Variants in PRKCZ observed in about 807,000 individuals in gnomAD.
PRKCZ encodes protein kinase C zeta, also known as protein kinase C zeta type.
PRKCZ carries 33 observed loss-of-function variants against 79.5 expected under a neutral mutation model. The observed-to-expected ratio is 0.41, with a 90% CI of 0.31 to 0.55. PRKCZ has a LOEUF of 0.55. Among genes scored for constraint, PRKCZ ranks in the 20% least tolerant of loss-of-function variants. The pLI, the probability that PRKCZ is intolerant of heterozygous loss-of-function variation, is 0.19. For missense variants in PRKCZ, 578 were observed against 813.5 expected (o/e 0.71, Z 3.52); for synonymous variants, 342 against 320.9 (o/e 1.07, Z -0.70).
At chr1:2,142,575 CCT>C (rs1246733351) in intron 5 of PRKCZ, 8 of 254,724 alleles carry the variant, frequency 3.1e-5, no homozygotes, top group Non-Finnish European at 6.3e-5. Context: ...TGGGATGCCC[CCT>C]CTCACCCATC....
chr1:2,149,731 C>T lies in PRKCZ; in HGVS notation c.687+807C>T, dbSNP rs932978844. Among the ~76,000 whole-genome samples the T allele has an allele frequency of 3.9e-5, 6 of 152,226 alleles. No individual in the cohort carries two copies. Among genetic ancestry groups the T allele is most frequent in the South Asian group, 2.1e-4 (1 of 4,824 alleles). On this transcript the variant is annotated intron_variant, in intron 8 of 17. Coordinates refer to ENST00000378567, the MANE Select transcript of PRKCZ (RefSeq NM_002744.6). This position sits in a 1 kb window ranked among gnomAD's most constrained non-coding sequence, Gnocchi z 4.1. ...AAATAATTAGCTGGGCATGGTGGCA[C>T]GGGCCTGTGGTCCTAGCTGCTTGGG...
At chr1:2,048,512 A>G (rs1209570678), upstream of PRKCZ, among the ~76,000 whole-genome samples, 1 of 152,192 alleles carries the variant, frequency 6.6e-6, no homozygotes, top group Non-Finnish European at 1.5e-5. Context: ...GTGGCCGTGC[A>G]AAGACGGAGG....
chr1:2,152,392 G>A (rs1446419978), intron 9 of PRKCZ, among the ~76,000 whole-genome samples: 1 of 152,034 alleles, frequency 6.6e-6, no homozygotes, highest in African/African-American at 2.4e-5. Flanking sequence ...AATTAGCCAG[G>A]TGTGGTGGCG....
chr1:2,071,085 G>A (rs1186347177), intron 4 of PRKCZ, among the ~76,000 whole-genome samples: 3 of 108,872 alleles, frequency 2.8e-5, no homozygotes, highest in Admixed American at 8.5e-5. Context: ...TGCGGGGGCC[G>A]ATTGCTCAGG....
intron 16 of PRKCZ, among the ~76,000 whole-genome samples, chr1:2,179,362 C>T (rs1041358005): frequency 1.3e-5 from 2 of 152,212 alleles, no homozygotes; most frequent in Non-Finnish European, 2.9e-5. Flanking sequence ...GGCCTGGTGG[C>T]TGGGGCTGCC....
intron 4 of PRKCZ, among the ~76,000 whole-genome samples, chr1:2,104,411 AGGT>A (rs1254889660): frequency 5.3e-5 from 8 of 152,296 alleles, no homozygotes; most frequent in African/African-American, 1.7e-4. Flanking sequence ...CAGGGGAAGA[AGGT>A]GGCCTGAACC....
chr1:2,049,041 C>T (rs1204784800), upstream of PRKCZ, among the ~76,000 whole-genome samples: 2 of 152,180 alleles, frequency 1.3e-5, no homozygotes, highest in Admixed American at 6.5e-5. Flanking sequence ...TGGTGGACAC[C>T]TGTAATCCCA....
intron 4 of PRKCZ, among the ~76,000 whole-genome samples, chr1:2,063,845 C>CT (rs551194608): frequency 0.027 from 3,316 of 124,472 alleles, 149 homozygotes; most frequent in African/African-American, 0.088. Context: ...TTGGCCATTT[C>CT]TTTTTTTTTT....
At chr1:2,184,873 G>A (rs1687335741) in intron 17 of PRKCZ, 49 bp from the exon 18 acceptor site, 1 of 1,528,398 alleles carries the variant, frequency 6.5e-7, no homozygotes, top group Non-Finnish European at 9.0e-7. Context: ...TTCCCCCAAG[G>A]GAATGAACAC....
intron 6 of PRKCZ, chr1:2,145,149 A>G (rs1219525476): frequency 6.6e-6 from 1 of 152,334 alleles, no homozygotes; most frequent in African/African-American, 2.4e-5. Flanking sequence ...GCGTTGGCAC[A>G]GTCCTTCCAG....
In PRKCZ at chr1:2,120,199, C is replaced by T. The variant is rs181108296; in HGVS notation, c.335-15063C>T. On this transcript the variant is annotated intron_variant, in intron 4 of 17. Transcript: ENST00000378567. ...GCAGCCTTGTGAAGGACAGAGGAATCGAGAATTTCTCCTAATTGAGATTGG... is the reference window on the plus strand; with the variant it reads ...GCAGCCTTGTGAAGGACAGAGGAATTGAGAATTTCTCCTAATTGAGATTGG... Among the ~76,000 whole-genome samples, 47 of 149,274 alleles carry T rather than the reference C, an allele frequency of 3.1e-4. 1 individual carries two copies. The East Asian group carries it at 8.6e-3, about 27-fold the overall frequency.
chr1:2,163,217 ACCCATCTCGGGCAGGCAGCATTTG>A (rs1682660858), intron 10 of PRKCZ, among the ~76,000 whole-genome samples: 1 of 152,120 alleles, frequency 6.6e-6, no homozygotes, highest in South Asian at 2.1e-4. Flanking sequence ...GGAAGCATTT[ACCCATCTCGGGCAGGCAGCATTTG>A]CCCTGGCATG....
chr1:2,126,008 T>A (rs560328544), intron 4 of PRKCZ, among the ~76,000 whole-genome samples: 1 of 152,266 alleles, frequency 6.6e-6, no homozygotes, highest in African/African-American at 2.4e-5. Flanking sequence ...CCCGAGGATG[T>A]TGCCCCTGTC....
intron 4 of PRKCZ, among the ~76,000 whole-genome samples, chr1:2,109,800 G>A (rs1240618417): frequency 1.3e-5 from 2 of 152,182 alleles, no homozygotes; most frequent in East Asian, 1.9e-4. Context: ...GTGCCACGTC[G>A]CTCAGATTTT....
intron 4 of PRKCZ, among the ~76,000 whole-genome samples, chr1:2,095,328 G>C (rs1666268991): frequency 6.6e-6 from 1 of 152,148 alleles, no homozygotes; most frequent in Non-Finnish European, 1.5e-5. Context: ...GGAGGTGGCT[G>C]GGCAGTGGCG....
intron 4 of PRKCZ, 22 bp downstream of exon 4, chr1:2,059,613 G>A (rs760610662): frequency 8.6e-5 from 139 of 1,613,432 alleles, no homozygotes; most frequent in Middle Eastern, 4.9e-4. Context: ...GGTTTCCTAC[G>A]CCGGTCTCGC....
Position 2,149,015 on chromosome 1 carries a change from G to T in PRKCZ, c.687+91G>T. The T allele has an allele frequency of 7.2e-7, 1 of 1,389,626 alleles. No homozygotes were observed. Among genetic ancestry groups the T allele is most frequent in the Non-Finnish European group, 1.0e-6 (1 of 981,620 alleles). The allele number at this position is 1,389,626 out of a possible 1,614,324, so 86.1% of individuals were successfully genotyped here. ...GGGGTAGTCACGGAAATCTAGATGT[G>T]AAATAGACATGGTCCGGGGTGTTGC... On this transcript the variant is annotated intron_variant, in intron 8 of 17. Coordinates refer to ENST00000378567, the MANE Select transcript of PRKCZ (RefSeq NM_002744.6). This position sits in a 1 kb window ranked among gnomAD's most constrained non-coding sequence, Gnocchi z 4.1.
chr1:2,180,579 C>CTGGACGCACGGACGACG (rs1472780810), intron 16 of PRKCZ, among the ~76,000 whole-genome samples: 1 of 150,316 alleles, frequency 6.7e-6, no homozygotes, highest in African/African-American at 2.5e-5. Context: ...CACAGATGAC[C>CTGGACGCACGGACGACG]TGGACGCACG....
intron 4 of PRKCZ, among the ~76,000 whole-genome samples, chr1:2,108,820 G>T (rs574963850): frequency 2.0e-5 from 3 of 152,218 alleles, no homozygotes; most frequent in Non-Finnish European, 2.9e-5. Flanking sequence ...AAAGCAACAC[G>T]CATTTGTTAG....
Sources: allele counts gnomAD v4.1 joint callset (sites outside exome capture counted in the v4.1 genomes callset), GRCh38; gene constraint gnomAD v4.1.1; non-coding constraint Gnocchi (gnomAD v3.1); transcripts MANE v1.5; gene names NCBI Gene and HGNC (gene_info 2026-07-23, HGNC 2026-07-21).